ERC2: variants seen among roughly 807,000 people sequenced by gnomAD.
ERC2 encodes ERC protein 2.
In ERC2, 42 loss-of-function variants were observed where a neutral mutation model predicts 114.8. The observed-to-expected ratio is 0.37, with a 90% CI of 0.29 to 0.47. The LOEUF (loss-of-function observed/expected upper bound fraction) is 0.47. Ranked by LOEUF, ERC2 falls within the 20% of genes least tolerant of loss-of-function variation. The pLI is 0.99. For synonymous variants in ERC2, 454 were observed against 425.5 expected (o/e 1.07, Z -0.82); for missense variants, 939 against 1,150.7 (o/e 0.82, Z 2.66).
chr3:55,544,151 C>T (rs960010063), intron 17 of ERC2, among the ~76,000 whole-genome samples: 5 of 152,196 alleles, frequency 3.3e-5, no homozygotes, highest in Middle Eastern at 3.4e-3. Context: ...CTGTCTGGGA[C>T]GCTCCCTATT....
intron 6 of ERC2, among the ~76,000 whole-genome samples, chr3:56,096,398 C>A (rs963291748): frequency 6.6e-6 from 1 of 152,130 alleles, no homozygotes. Context: ...AGGCCCAGAG[C>A]CACATGGCTT....
chr3:55,632,720 A>T (rs2059806422), intron 17 of ERC2, among the ~76,000 whole-genome samples: 1 of 152,232 alleles, frequency 6.6e-6, no homozygotes, highest in Non-Finnish European at 1.5e-5. Flanking sequence ...TAGAGCTGGT[A>T]GGATTCTTGG....
Position 56,317,246 on chromosome 3 carries a change from A to C in ERC2, c.658-20811T>G, listed in dbSNP as rs545001040. On this transcript the variant is annotated intron_variant, in intron 2 of 17. Transcript: ENST00000288221. The stretch of plus-strand genomic sequence containing the variant: ...GTGAGGCCTAGAACAAGGAAGAAAG[A>C]TATTCCAGGCAGAGTGAAGGGCACG... Among the ~76,000 whole-genome samples the C allele has an allele frequency of 2.6e-5, 4 of 152,332 alleles. No homozygotes were observed. In the South Asian group the frequency reaches 8.3e-4, roughly 32 times the overall value.
intron 2 of ERC2, among the ~76,000 whole-genome samples, chr3:56,359,872 TA>T (rs1174651899): frequency 6.6e-6 from 1 of 150,544 alleles, no homozygotes; most frequent in Non-Finnish European, 1.5e-5. Flanking sequence ...AGTGAGAACT[TA>T]CTCATTACTG....
intron 12 of ERC2, among the ~76,000 whole-genome samples, chr3:55,969,036 A>C (rs2068960435): frequency 6.6e-6 from 1 of 152,100 alleles, no homozygotes; most frequent in Non-Finnish European, 1.5e-5. Context: ...AGTCAGTATA[A>C]ATGGAGACAA....
intron 14 of ERC2, among the ~76,000 whole-genome samples, chr3:55,800,625 C>T (rs368007199): frequency 6.6e-6 from 1 of 152,142 alleles, no homozygotes; most frequent in African/African-American, 2.4e-5. Context: ...GAAGCACCAA[C>T]TTTTCATCTT....
chr3:55,888,272 T>G (rs1369862449), intron 14 of ERC2, 117 bp downstream of exon 14: 1 of 1,211,128 alleles, frequency 8.3e-7, no homozygotes, highest in African/African-American at 1.5e-5. Flanking sequence ...ACCAGGCAAG[T>G]GTGAGCTAAA....
chr3:55,958,559 C>T (rs1238237836), intron 12 of ERC2, among the ~76,000 whole-genome samples: 1 of 152,206 alleles, frequency 6.6e-6, no homozygotes, highest in Non-Finnish European at 1.5e-5. Context: ...CATCAACATG[C>T]CATCCACAGT....
intron 15 of ERC2, among the ~76,000 whole-genome samples, chr3:55,723,838 A>G (rs912828942): frequency 6.6e-6 from 1 of 152,220 alleles, no homozygotes; most frequent in Admixed American, 6.5e-5. Context: ...GGGCAGTATG[A>G]AGCAAAAAGG....
At chr3:56,044,560 A>T (rs535906630) in intron 7 of ERC2, among the ~76,000 whole-genome samples, 1 of 152,256 alleles carries the variant, frequency 6.6e-6, no homozygotes, top group Admixed American at 6.5e-5. Flanking sequence ...TTGGGGGGAA[A>T]ATTGTAGCAC....
chr3:55,851,579 A>G (rs1409586583), intron 14 of ERC2, among the ~76,000 whole-genome samples: 1 of 152,130 alleles, frequency 6.6e-6, no homozygotes, highest in Non-Finnish European at 1.5e-5. Flanking sequence ...CATGTTAATA[A>G]CTGGACTCCA....
chr3:55,599,533 T>C (rs2058304700), intron 17 of ERC2, among the ~76,000 whole-genome samples: 1 of 152,198 alleles, frequency 6.6e-6, no homozygotes, highest in Non-Finnish European at 1.5e-5. Context: ...TGTGTTTGTG[T>C]TTTTGCAGAT....
intron 14 of ERC2, among the ~76,000 whole-genome samples, chr3:55,824,275 T>G (rs1421284737): frequency 6.6e-6 from 1 of 152,180 alleles, no homozygotes; most frequent in Non-Finnish European, 1.5e-5. Context: ...GCTCTCTCCA[T>G]TTCTACCATC....
At chr3:55,704,934 T>C (rs1277298494) in intron 15 of ERC2, among the ~76,000 whole-genome samples, 1 of 152,224 alleles carries the variant, frequency 6.6e-6, no homozygotes, top group East Asian at 1.9e-4. Flanking sequence ...ACTCCTGAGA[T>C]GGCTATTCTT....
intron 3 of ERC2, among the ~76,000 whole-genome samples, chr3:56,183,181 G>C (rs540489369): frequency 6.6e-6 from 1 of 152,248 alleles, no homozygotes; most frequent in Non-Finnish European, 1.5e-5. Context: ...ACCTCAGATG[G>C]ATTCCAAAAG....
At chr3:55,993,209 A>T (rs1233255427) in intron 10 of ERC2, among the ~76,000 whole-genome samples, 1 of 152,224 alleles carries the variant, frequency 6.6e-6, no homozygotes, top group Non-Finnish European at 1.5e-5. Flanking sequence ...AGTAGTTTAT[A>T]CAACAGTGCA....
In ERC2 at chr3:55,952,179, A is replaced by ACACTCT. The variant is rs1390539850; in HGVS notation, c.2268-1620_2268-1619insAGAGTG. On this transcript the variant is annotated intron_variant, in intron 12 of 17. Transcript: ENST00000288221. ...CACACACACACACACACACACACACACTCTCTCTCTCTCTCTCTCTATATA... is the reference window on the plus strand; with the variant it reads ...CACACACACACACACACACACACACACACTCTCTCTCTCTCTCTCTCTCTCTATATA... 1.7e-3 allele frequency among the ~76,000 whole-genome samples: 104 copies of ACACTCT among 62,088 alleles called. 4 individuals carry two copies. Among genetic ancestry groups the ACACTCT allele is most frequent in the Non-Finnish European group, 2.7e-3 (82 of 30,708 alleles). The allele number at this position is 62,088 out of a possible 152,430, so 40.7% of individuals were successfully genotyped here. A position where few individuals can be genotyped will look rare whatever the true frequency, so the allele number is the denominator to read the frequency against.
rs558441767 is a variant in ERC2 at position 55,514,427 on chromosome 3, G to A, written c.*40-3151C>T. Among the ~76,000 whole-genome samples, 6 of 152,308 alleles carry A rather than the reference G, an allele frequency of 3.9e-5. 1 individual carries two copies. The South Asian group carries it at 1.0e-3, about 26-fold the overall frequency. On this transcript the variant is annotated intron_variant, in intron 17 of 17. Coordinates refer to ENST00000288221, the MANE Select transcript of ERC2 (RefSeq NM_015576.3). ...CGTGATTGTGCCACTCCAGACAAGA[G>A]TAAGACCTTGTCTAAAATAAAAAAT...
intron 6 of ERC2, among the ~76,000 whole-genome samples, chr3:56,083,495 T>C (rs1430667763): frequency 6.6e-6 from 1 of 152,176 alleles, no homozygotes; most frequent in African/African-American, 2.4e-5. Context: ...TACAAAATTG[T>C]CAAAACTCAT....
Sources: gnomAD v4.1 joint callset for allele counts (sites outside exome capture counted in the v4.1 genomes callset) on GRCh38, gnomAD v4.1.1 for gene constraint, MANE v1.5 for transcripts, NCBI Gene and HGNC (gene_info 2026-07-23, HGNC 2026-07-21) for gene names.